Variants in ADAMTS6 observed in about 807,000 individuals in gnomAD.
ADAMTS6 encodes the protein A disintegrin and metalloproteinase with thrombospondin motifs 6.
ADAMTS6 carries 23 observed loss-of-function variants against 144.3 expected under a neutral mutation model. That is an observed-to-expected ratio of 0.16 (90% CI 0.11 to 0.23). ADAMTS6 has a LOEUF of 0.23. Ranked by LOEUF, ADAMTS6 falls within the 10% of genes least tolerant of loss-of-function variation. ADAMTS6 has a pLI of 1.00. For synonymous variants in ADAMTS6, 444 were observed against 457.5 expected, an observed-to-expected ratio of 0.97 and a Z score of 0.38; for missense variants, 999 against 1,379.6, an observed-to-expected ratio of 0.72 and a Z score of 4.37.
intron 7 of ADAMTS6, among the ~76,000 whole-genome samples, chr5:65,390,505 C>G (rs1446714396): frequency 6.6e-6 from 1 of 152,184 alleles, no homozygotes; most frequent in South Asian, 2.1e-4. Context: ...CAGCAGAGGT[C>G]AGGCAACTAT....
intron 7 of ADAMTS6, among the ~76,000 whole-genome samples, chr5:65,428,837 C>T (rs990977587): frequency 8.6e-5 from 13 of 151,818 alleles, no homozygotes; most frequent in African/African-American, 1.9e-4. Flanking sequence ...AAGGACCACA[C>T]AAAAATACTA....
intron 4 of ADAMTS6, among the ~76,000 whole-genome samples, chr5:65,454,734 G>A (rs948936314): frequency 6.6e-6 from 1 of 152,164 alleles, no homozygotes; most frequent in Non-Finnish European, 1.5e-5. Flanking sequence ...CTGGTGAACT[G>A]ACGCTGGCAT....
At chr5:65,311,187 G>A (rs1158072543) in intron 9 of ADAMTS6, among the ~76,000 whole-genome samples, 1 of 152,084 alleles carries the variant, frequency 6.6e-6, no homozygotes, top group Non-Finnish European at 1.5e-5. Flanking sequence ...TAAACCATGA[G>A]AGGCAGAATT....
At position 65,249,351 on chromosome 5, in the gene ADAMTS6, C is replaced by T. The variant is rs867495166; in HGVS notation, c.1831-7145G>A. On this transcript the variant is annotated intron_variant, in intron 14 of 24. Coordinates refer to ENST00000381055, the MANE Select transcript of ADAMTS6 (RefSeq NM_197941.4). ...GGAAGAAAAGCTTCAGATGAAAATG[C>T]GTACAACTTCCTAAACACATTGGGA... Among the ~76,000 whole-genome samples the T allele has an allele frequency of 3.8e-4, 58 of 152,228 alleles. 1 individual carries two copies. Among genetic ancestry groups the T allele is most frequent in the Admixed American group, 1.7e-3 (26 of 15,290 alleles).
intron 7 of ADAMTS6, among the ~76,000 whole-genome samples, chr5:65,447,184 A>G (rs935668455): frequency 1.2e-4 from 18 of 152,158 alleles, no homozygotes; most frequent in Non-Finnish European, 2.9e-5. Context: ...AATTTCAGAC[A>G]ACAAATAGAT....
chr5:65,243,692 C>T (rs1304287453), intron 14 of ADAMTS6, among the ~76,000 whole-genome samples: 4 of 151,940 alleles, frequency 2.6e-5, no homozygotes, highest in African/African-American at 9.7e-5. Flanking sequence ...CTTCAGAGTG[C>T]TCTAGGTTAA....
intron 7 of ADAMTS6, among the ~76,000 whole-genome samples, chr5:65,378,877 G>A (rs531004988): frequency 4.4e-4 from 67 of 152,150 alleles, no homozygotes; most frequent in African/African-American, 1.5e-3. Context: ...GAATAGAAAA[G>A]AGAACATAGT....
chr5:65,230,830 AAT>A lies in ADAMTS6; in HGVS notation c.1934-4613_1934-4612del, dbSNP rs1265142920. On this transcript the variant is annotated intron_variant, in intron 15 of 24. Coordinates refer to ENST00000381055, the MANE Select transcript of ADAMTS6 (RefSeq NM_197941.4). ...AATATATATATAATACATATGTATA[AAT>A]ATATATATAATACATATATATGAAA... Among the ~76,000 whole-genome samples the A allele has an allele frequency of 7.5e-4, 74 of 99,292 alleles. 12 individuals carry two copies. In the East Asian group the frequency reaches 0.018, roughly 24 times the overall value. 65.1% of individuals were successfully genotyped at this position (99,292 alleles called of 152,430 possible). A position where few individuals can be genotyped will look rare whatever the true frequency, so the allele number is the denominator to read the frequency against.
chr5:65,445,941 A>C (rs914359187), intron 7 of ADAMTS6, among the ~76,000 whole-genome samples: 11 of 152,214 alleles, frequency 7.2e-5, no homozygotes, highest in African/African-American at 2.7e-4. Flanking sequence ...AGAAAGATGA[A>C]CTATATGATC....
intron 20 of ADAMTS6, among the ~76,000 whole-genome samples, chr5:65,211,801 T>C (rs768080763): frequency 7.9e-5 from 12 of 152,150 alleles, no homozygotes; most frequent in Non-Finnish European, 1.5e-4. Context: ...AAATATATAA[T>C]TGCCAAAATT....
chr5:65,174,844 C>T (rs1211167302), intron 22 of ADAMTS6, among the ~76,000 whole-genome samples: 4 of 152,080 alleles, frequency 2.6e-5, no homozygotes, highest in Non-Finnish European at 2.9e-5. Flanking sequence ...AAGCATGGGT[C>T]AGGCACAAAG....
At chr5:65,464,404 A>G (rs1691657232) in intron 3 of ADAMTS6, among the ~76,000 whole-genome samples, 1 of 152,240 alleles carries the variant, frequency 6.6e-6, no homozygotes, top group African/African-American at 2.4e-5. Flanking sequence ...ATGAATAAAA[A>G]TATTTTTAAA....
intron 11 of ADAMTS6, among the ~76,000 whole-genome samples, chr5:65,276,788 T>C (rs1239848578): frequency 2.0e-5 from 3 of 152,196 alleles, no homozygotes; most frequent in South Asian, 4.1e-4. Context: ...GCAACCATCA[T>C]AGTAGGCAGA....
chr5:65,425,756 T>C (rs1756453254), intron 7 of ADAMTS6, among the ~76,000 whole-genome samples: 1 of 151,828 alleles, frequency 6.6e-6, no homozygotes, highest in African/African-American at 2.4e-5. Flanking sequence ...TGACTTCAAG[T>C]AGTGCTGCTT....
chr5:65,360,455 T>C (rs955031972), intron 7 of ADAMTS6, among the ~76,000 whole-genome samples: 7 of 152,168 alleles, frequency 4.6e-5, no homozygotes, highest in African/African-American at 1.7e-4. Context: ...TTAATTAGCT[T>C]GATGTAATCC....
At chr5:65,157,224 A>G (rs1294253839) in intron 24 of ADAMTS6, among the ~76,000 whole-genome samples, 2 of 152,256 alleles carry the variant, frequency 1.3e-5, no homozygotes, top group African/African-American at 4.8e-5. Flanking sequence ...CATAGGCAAC[A>G]CATGAATCTA....
intron 9 of ADAMTS6, among the ~76,000 whole-genome samples, chr5:65,305,485 A>C (rs1743850969): frequency 6.6e-6 from 1 of 152,170 alleles, no homozygotes; most frequent in Non-Finnish European, 1.5e-5. Flanking sequence ...GCCTTGAACT[A>C]AGTATAGATA....
chr5:65,271,524 A>G (rs955208537), intron 12 of ADAMTS6, among the ~76,000 whole-genome samples: 1 of 152,058 alleles, frequency 6.6e-6, no homozygotes, highest in Non-Finnish European at 1.5e-5. Flanking sequence ...TATCATCTCT[A>G]TCATATATAC....
chr5:65,256,326 AT>A (rs1227274207), intron 14 of ADAMTS6: 8 of 152,188 alleles, frequency 5.3e-5, no homozygotes, highest in Non-Finnish European at 1.0e-4. Flanking sequence ...GCTAGTGTAG[AT>A]TAGGTATTTG....
Sources: allele counts gnomAD v4.1 joint callset (sites outside exome capture counted in the v4.1 genomes callset), GRCh38; gene constraint gnomAD v4.1.1; transcripts MANE v1.5; gene names NCBI Gene and HGNC (gene_info 2026-07-23, HGNC 2026-07-21).